Variants in SKIC8 observed in about 807,000 individuals in gnomAD.
The protein encoded by SKIC8 is SKI8 subunit of superkiller complex.
chr15:78,289,734 A>G, the SKIC8 span: 2 of 1,605,164 alleles, frequency 1.2e-6, no homozygotes, highest in Non-Finnish European at 1.7e-6. Context: ...ACATATGGAG[A>G]AATTAGCACT....
At chr15:78,298,955 T>C in the SKIC8 span, among the ~76,000 whole-genome samples, 2 of 152,212 alleles carry the variant, frequency 1.3e-5, no homozygotes, top group African/African-American at 4.8e-5. Context: ...CAGGGTCTTA[T>C]GAAGGTCAGA....
At chr15:78,290,599 G>C in the SKIC8 span, 1 of 152,384 alleles carries the variant, frequency 6.6e-6, no homozygotes, top group African/African-American at 2.4e-5. Flanking sequence ...TTCAAGATAG[G>C]TAGAAACTAA....
At chr15:78,288,185 C>A in the SKIC8 span, 3 of 1,233,310 alleles carry the variant, frequency 2.4e-6, no homozygotes, top group Non-Finnish European at 3.4e-6. Flanking sequence ...TCTGATGTGA[C>A]TTGAGCACAG....
chr15:78,283,894 G>A, the SKIC8 span: 30 of 161,686 alleles, frequency 1.9e-4, no homozygotes, highest in South Asian at 1.6e-3. Flanking sequence ...CAACTACCCC[G>A]AGGTCACTGC....
chr15:78,296,082 G>A, the SKIC8 span: 3 of 166,244 alleles, frequency 1.8e-5, no homozygotes, highest in African/African-American at 7.1e-5. Context: ...ACAAACATGG[G>A]GGAATCCAAA....
the SKIC8 span, among the ~76,000 whole-genome samples, chr15:78,296,330 T>C: frequency 6.6e-6 from 1 of 151,922 alleles, no homozygotes; most frequent in Non-Finnish European, 1.5e-5. Context: ...CACTTGAACC[T>C]AGGCAGCGGA....
chr15:78,298,473 T>C, the SKIC8 span, among the ~76,000 whole-genome samples: 5 of 152,182 alleles, frequency 3.3e-5, no homozygotes, highest in African/African-American at 4.8e-5. Context: ...AGTCCAAAAA[T>C]AGGTGAGTAG....
At chr15:78,288,866 C>T in the SKIC8 span, 3 of 433,128 alleles carry the variant, frequency 6.9e-6, no homozygotes, top group African/African-American at 4.1e-5. Context: ...CTACCCAGTC[C>T]TCCTTTCCAG....
chr15:78,292,996 A>G, the SKIC8 span: 2 of 813,948 alleles, frequency 2.5e-6, no homozygotes, highest in African/African-American at 1.7e-5. Context: ...GGGCTTTAAT[A>G]CAGAGTAACA....
the SKIC8 span, chr15:78,283,555 C>G: frequency 6.8e-7 from 1 of 1,473,990 alleles, no homozygotes; most frequent in Non-Finnish European, 9.4e-7. Context: ...TCTACAAATG[C>G]CTTTATTCTT....
the SKIC8 span, chr15:78,283,649 T>C: frequency 1.6e-5 from 11 of 690,242 alleles, no homozygotes; most frequent in Non-Finnish European, 2.1e-5. Context: ...TTGTACTTTC[T>C]AAATCAGTGA....
chr15:78,297,220 C>T, the SKIC8 span, among the ~76,000 whole-genome samples: 2 of 152,080 alleles, frequency 1.3e-5, no homozygotes, highest in African/African-American at 4.8e-5. Context: ...AATGTAGCAC[C>T]AAAGACTGCA....
the SKIC8 span, among the ~76,000 whole-genome samples, chr15:78,291,536 A>C: frequency 1.3e-5 from 2 of 152,166 alleles, no homozygotes; most frequent in Admixed American, 6.5e-5. Flanking sequence ...ACTATGATTC[A>C]GTGGATCCAA....
At chr15:78,292,504 T>C in the SKIC8 span, 1 of 1,232,122 alleles carries the variant, frequency 8.1e-7, no homozygotes. Flanking sequence ...GCACACATTA[T>C]CACCCCTCTC....
At chr15:78,286,308 G>A in the SKIC8 span, 1 of 583,474 alleles carries the variant, frequency 1.7e-6, no homozygotes, top group Non-Finnish European at 3.1e-6. Flanking sequence ...TCATGCATTA[G>A]AGACAAATTT....
the SKIC8 span, chr15:78,299,425 GC>G: frequency 6.5e-6 from 1 of 152,820 alleles, no homozygotes; most frequent in Non-Finnish European, 1.5e-5. Flanking sequence ...CCACCCTCAG[GC>G]CCCAGGGCCT....
At chr15:78,287,725 G>T in the SKIC8 span, among the ~76,000 whole-genome samples, 1 of 152,182 alleles carries the variant, frequency 6.6e-6, no homozygotes, top group African/African-American at 2.4e-5. Flanking sequence ...TGGGGGAAAA[G>T]AAGAAGACAT....
At chr15:78,299,551 C>G in the SKIC8 span, 4 of 152,586 alleles carry the variant, frequency 2.6e-5, no homozygotes, top group Non-Finnish European at 5.9e-5. Context: ...CGGCCCTGCG[C>G]TCCAACTCAC....
the SKIC8 span, chr15:78,292,831 C>A: frequency 1.2e-6 from 2 of 1,604,248 alleles, no homozygotes; most frequent in Non-Finnish European, 8.5e-7. Flanking sequence ...ACAAAGAACA[C>A]ACTTTACCTG....
Sources: allele counts gnomAD v4.1 joint callset (sites outside exome capture counted in the v4.1 genomes callset), GRCh38; gene constraint gnomAD v4.1.1; transcripts MANE v1.5; gene names NCBI Gene and HGNC (gene_info 2026-07-23, HGNC 2026-07-21).